The following NID1 variants were observed in gnomAD, a reference collection of about 807,000 sequenced individuals.
NID1 encodes the protein nidogen 1.
NID1 carries 76 observed loss-of-function variants against 130.6 expected under a neutral mutation model. That is an observed-to-expected ratio of 0.58 (90% CI 0.48 to 0.70). The LOEUF (loss-of-function observed/expected upper bound fraction) is 0.70, where lower values mean the gene tolerates loss of function less well. Among genes scored for constraint, NID1 ranks in the 30% least tolerant of loss-of-function variants. The pLI, the probability that NID1 is intolerant of heterozygous loss-of-function variation, is 0.00. For synonymous variants in NID1, 665 were observed against 675.1 expected (o/e 0.98, Z 0.23); for missense variants, 1,517 against 1,664.8 (o/e 0.91, Z 1.54).
intron 12 of NID1, among the ~76,000 whole-genome samples, chr1:236,004,992 C>T (rs189558633): frequency 1.7e-3 from 262 of 151,794 alleles, no homozygotes; most frequent in African/African-American, 5.9e-3. Flanking sequence ...CTGGCCAACA[C>T]GGTGAAACCC....
intron 13 of NID1, 115 bp from the exon 14 acceptor site, chr1:235,991,173 A>G (rs1338233989): frequency 1.3e-5 from 10 of 785,590 alleles, no homozygotes; most frequent in Middle Eastern, 3.7e-4. Context: ...ACACCCACAC[A>G]TCAGGTCACA....
intron 6 of NID1, among the ~76,000 whole-genome samples, chr1:236,031,388 G>T (rs1659095732): frequency 6.6e-6 from 1 of 152,198 alleles, no homozygotes; most frequent in African/African-American, 2.4e-5. Context: ...AAAGTGCTGG[G>T]ATTACTGGCG....
intron 12 of NID1, among the ~76,000 whole-genome samples, chr1:235,999,755 G>C (rs16833095): frequency 0.01 from 1,568 of 152,228 alleles, 32 homozygotes; most frequent in African/African-American, 0.036. Flanking sequence ...AAATGAAACA[G>C]AGTGTAAACC....
chr1:235,988,276 G>A (rs1055681616), intron 14 of NID1, among the ~76,000 whole-genome samples: 1 of 152,308 alleles, frequency 6.6e-6, no homozygotes, highest in East Asian at 1.9e-4. Context: ...CGGCCAATAA[G>A]TACGTGAAAA....
Position 235,993,797 on chromosome 1 carries a change from G to A in NID1, c.2603C>T (p.Pro868Leu). ...AGGAACGAACAGCCCCGGAGGAATG[G>A]GTCGCTGTGGGTCTGTCGCCCCCGC... is the stretch of plus-strand genomic sequence containing the variant. ...GAAGATDPQRPIPPGLFVPEC... is the reference protein window; with the variant it reads ...GAAGATDPQRLIPPGLFVPEC... Residue 868 changes from proline to leucine, a missense_variant, in exon 13 of 20, where the codon CCC (proline) becomes CTC (leucine). By Grantham distance (98) the Pro-to-Leu change is moderately conservative (BLOSUM62 -3). Around this residue, in one of 3 missense-constraint regions of NID1, gnomAD observed 1,329 missense variants for 1,429.2 expected, o/e 0.93. Transcript: ENST00000264187. 6.2e-7 allele frequency: 1 copy of A among 1,614,170 alleles called. No individual in the cohort carries two copies.
chr1:235,983,683 C>G (rs1272910813), intron 15 of NID1, among the ~76,000 whole-genome samples: 1 of 152,176 alleles, frequency 6.6e-6, no homozygotes, highest in Admixed American at 6.5e-5. Flanking sequence ...CAACCAACCC[C>G]CTCTCCCTCA....
chr1:235,981,900 C>A, intron 15 of NID1, 118 bp from the exon 16 acceptor site: 1 of 883,134 alleles, frequency 1.1e-6, no homozygotes, highest in Non-Finnish European at 1.7e-6. Flanking sequence ...TTTAAGAAAC[C>A]AAATGGGAAT....
At chr1:235,996,985 C>T (rs535132310) in intron 12 of NID1, among the ~76,000 whole-genome samples, 5 of 152,268 alleles carry the variant, frequency 3.3e-5, no homozygotes, top group Admixed American at 2.6e-4. Flanking sequence ...CAGATTCTTG[C>T]CACCATGCCC....
chr1:236,031,397 C>T (rs1659097408), intron 6 of NID1, among the ~76,000 whole-genome samples: 2 of 152,352 alleles, frequency 1.3e-5, no homozygotes, highest in South Asian at 4.1e-4. Flanking sequence ...GGATTACTGG[C>T]GTGAGCCACC....
chr1:236,039,231 A>T (rs1386061606), intron 4 of NID1, among the ~76,000 whole-genome samples: 1 of 148,052 alleles, frequency 6.8e-6, no homozygotes, highest in Non-Finnish European at 1.5e-5. Context: ...ATTATATGAT[A>T]TAATTTTTTT....
intron 12 of NID1, among the ~76,000 whole-genome samples, chr1:236,010,925 A>G (rs1658390046): frequency 6.6e-6 from 1 of 152,242 alleles, no homozygotes; most frequent in African/African-American, 2.4e-5. Context: ...ATATTTTCAA[A>G]TGCTGTTGTA....
At chr1:236,031,665 C>G (rs931307984) in intron 6 of NID1, among the ~76,000 whole-genome samples, 1 of 152,146 alleles carries the variant, frequency 6.6e-6, no homozygotes, top group Non-Finnish European at 1.5e-5. Context: ...ACTCCAGGTC[C>G]TGGAAGTGAC....
chr1:236,055,191 C>T (rs1659864665), intron 1 of NID1, among the ~76,000 whole-genome samples: 1 of 151,936 alleles, frequency 6.6e-6, no homozygotes, highest in Admixed American at 6.6e-5. Flanking sequence ...GTAGTCCCAG[C>T]TACTCGGGAG....
intron 5 of NID1, among the ~76,000 whole-genome samples, chr1:236,034,981 T>TG (rs1659209384): frequency 8.9e-6 from 1 of 112,848 alleles, no homozygotes; most frequent in East Asian, 2.7e-4. Context: ...TTCTTTTTTT[T>TG]TTCTTTCTTT....
rs538542962 is a variant in NID1 at position 236,037,882 on chromosome 1, C to T, written c.1285+222G>A. Among the ~76,000 whole-genome samples the T allele has an allele frequency of 5.9e-5, 9 of 152,186 alleles. No individual in the cohort carries two copies. The East Asian group carries it at 1.7e-3, about 29-fold the overall frequency. On this transcript the variant is annotated intron_variant, in intron 5 of 19. Coordinates refer to ENST00000264187, the MANE Select transcript of NID1 (RefSeq NM_002508.3). ...TGTCCCCTGAGATGGAGAAATAGCA[C>T]AGGAAAGGAAGACTTTGCCATATTT... is the stretch of plus-strand genomic sequence containing the variant.
Position 236,014,311 on chromosome 1 carries a change from C to A in NID1, c.2255-751G>T, listed in dbSNP as rs183651503. 1.7e-3 allele frequency among the ~76,000 whole-genome samples: 248 copies of A among 150,272 alleles called. 2 individuals are homozygous for A. The highest frequency in any genetic ancestry group is 4.2e-3 in the Admixed American group (63 of 14,976). ...AGACTCATGGAGGAAAAACATGAGT[C>A]CTCCTTCATCTGGGATAATCCAACT... is the stretch of plus-strand genomic sequence containing the variant. On this transcript the variant is annotated intron_variant, in intron 10 of 19. Coordinates refer to ENST00000264187, the MANE Select transcript of NID1 (RefSeq NM_002508.3).
chr1:236,044,644 T>C (rs758363966), intron 3 of NID1, among the ~76,000 whole-genome samples: 1 of 152,214 alleles, frequency 6.6e-6, no homozygotes, highest in African/African-American at 2.4e-5. Context: ...GATTTGAAGA[T>C]ATAAAATTAA....
chr1:236,048,915 T>G lies in NID1; in HGVS notation c.300A>C (p.Thr100=). The change falls in exon 2 of 20, where the codon ACA becomes ACC. Residue 100 remains threonine, a synonymous_variant. Coordinates refer to ENST00000264187, the MANE Select transcript of NID1 (RefSeq NM_002508.3). ...CCAGGAAAGGGGCGACTGCACCGAA[T>G]GTTGGTGGGAAGAGCCCGGGATGGG... is the stretch of plus-strand genomic sequence containing the variant. The part of the protein sequence containing the change: ...KESHPGLFPP[T]FGAVAPFLAD... The G allele has an allele frequency of 6.2e-7, 1 of 1,614,082 alleles. No individual in the cohort carries two copies. Among genetic ancestry groups the G allele is most frequent in the Non-Finnish European group, 8.5e-7 (1 of 1,179,990 alleles).
intron 1 of NID1, among the ~76,000 whole-genome samples, chr1:236,053,927 C>CTAAAA (rs71723742): frequency 0.029 from 4,407 of 152,100 alleles, 150 homozygotes; most frequent in African/African-American, 0.089. Flanking sequence ...ATGCCAATTA[C>CTAAAA]TAAAATAAAA....
Sources: gnomAD v4.1 joint callset for allele counts (sites outside exome capture counted in the v4.1 genomes callset) on GRCh38, gnomAD v4.1.1 for gene constraint, gnomAD v4.1.1 regional missense constraint, MANE v1.5 for transcripts, NCBI Gene and HGNC (gene_info 2026-07-23, HGNC 2026-07-21) for gene names.